PGR: variants seen among roughly 807,000 people sequenced by gnomAD.
The protein encoded by PGR is nuclear receptor subfamily 3 group C member 3.
In PGR, 25 loss-of-function variants were observed where a neutral mutation model predicts 76.1. The observed-to-expected ratio is 0.33, with a 90% CI of 0.24 to 0.46. The LOEUF is 0.46. Among genes scored for constraint, PGR ranks in the 20% least tolerant of loss-of-function variants. PGR has a pLI of 1.00. For missense variants in PGR, 1,172 were observed against 1,225.3 expected (o/e 0.96, Z 0.65); for synonymous variants, 579 against 535.0 (o/e 1.08, Z -1.14).
At chr11:101,089,707 AGAAGGAAG>A (rs906584997) in intron 3 of PGR, among the ~76,000 whole-genome samples, 2 of 141,432 alleles carry the variant, frequency 1.4e-5, no homozygotes, top group African/African-American at 5.0e-5. Context: ...GAAGGAAAGA[AGAAGGAAG>A]GGAGGGAGGG....
intron 3 of PGR, among the ~76,000 whole-genome samples, chr11:101,071,113 A>G (rs769060881): frequency 8.5e-5 from 13 of 152,100 alleles, no homozygotes; most frequent in Non-Finnish European, 1.9e-4. Context: ...TGGGATGAAG[A>G]TTCCAGAGGA....
rs554494881 is a variant in PGR, at chr11:101,129,270, C to T, written c.-200G>A. 3 of 523,786 alleles carry T rather than the reference C, an allele frequency of 5.7e-6. No homozygotes were observed. In the East Asian group the frequency reaches 8.8e-5, roughly 15 times the overall value. 32.4% of individuals were successfully genotyped at this position (523,786 alleles called of 1,614,324 possible). ...CTCCTGCCCTTGGCCTCCATCCTGT[C>T]GTCAGGGGAACTGTGGCTGTCGTTT... is the stretch of plus-strand genomic sequence containing the variant. On this transcript the variant is annotated 5_prime_UTR_variant, in exon 1 of 8. Transcript: ENST00000325455.
intron 2 of PGR, among the ~76,000 whole-genome samples, chr11:101,110,092 T>C (rs1862297200): frequency 3.9e-5 from 6 of 152,128 alleles, no homozygotes; most frequent in Admixed American, 3.9e-4. Flanking sequence ...AAAATTCCCA[T>C]GAGCTCTGAT....
chr11:101,088,289 A>C (rs1003493293), intron 3 of PGR, among the ~76,000 whole-genome samples: 5 of 152,148 alleles, frequency 3.3e-5, no homozygotes, highest in African/African-American at 1.2e-4. Flanking sequence ...TGGGAATGTA[A>C]ATTAGTTCTG....
intron 2 of PGR, among the ~76,000 whole-genome samples, chr11:101,105,783 A>G (rs766318264): frequency 6.6e-6 from 1 of 152,148 alleles, no homozygotes; most frequent in Non-Finnish European, 1.5e-5. Context: ...AATCCTAAGC[A>G]AAAAGAACAA....
chr11:101,105,746 C>A (rs867424888), intron 2 of PGR, among the ~76,000 whole-genome samples: 8 of 152,136 alleles, frequency 5.3e-5, no homozygotes, highest in South Asian at 4.1e-4. Flanking sequence ...TCATATGGAA[C>A]CAAAAAAGAG....
chr11:101,068,459 T>C (rs757719745), intron 3 of PGR, among the ~76,000 whole-genome samples: 10 of 152,026 alleles, frequency 6.6e-5, no homozygotes, highest in Non-Finnish European at 1.5e-4. Context: ...AATTTATAGA[T>C]CCAATAATAG....
chr11:101,091,740 G>T lies in PGR; in HGVS notation c.1906+20C>A, dbSNP rs1861681476. 2.4e-5 allele frequency: 27 copies of T among 1,111,936 alleles called. No individual in the cohort carries two copies. In the East Asian group the frequency reaches 6.1e-4, roughly 25 times the overall value. The allele number at this position is 1,111,936 out of a possible 1,614,324, so 68.9% of individuals were successfully genotyped here. A position where few individuals can be genotyped will look rare whatever the true frequency, so the allele number is the denominator to read the frequency against. ...TATAAAGATTACACAGTATATTATT[G>T]ATGAAAACATCAGAATTACCTCCAA... is the stretch of plus-strand genomic sequence containing the variant. On this transcript the variant is annotated intron_variant, in intron 3 of 7. Coordinates refer to ENST00000325455, the MANE Select transcript of PGR (RefSeq NM_000926.4).
chr11:101,100,816 G>A (rs1861975057), intron 2 of PGR, among the ~76,000 whole-genome samples: 1 of 151,996 alleles, frequency 6.6e-6, no homozygotes, highest in African/African-American at 2.4e-5. Context: ...GGCCAAAAAG[G>A]CTAATAACAT....
At chr11:101,097,839 C>G (rs1051072465) in intron 2 of PGR, among the ~76,000 whole-genome samples, 4 of 149,514 alleles carry the variant, frequency 2.7e-5, no homozygotes, top group Non-Finnish European at 5.9e-5. Flanking sequence ...TGCGGTGGAG[C>G]CATCTCAGCT....
intron 3 of PGR, among the ~76,000 whole-genome samples, chr11:101,079,410 C>T (rs1591395587): frequency 6.8e-6 from 1 of 146,120 alleles, no homozygotes; most frequent in East Asian, 2.7e-4. Flanking sequence ...ATAAGGAACT[C>T]AGCTCAATAG....
intron 3 of PGR, among the ~76,000 whole-genome samples, chr11:101,072,133 C>T (rs1313686422): frequency 1.3e-5 from 2 of 152,216 alleles, no homozygotes; most frequent in Non-Finnish European, 2.9e-5. Context: ...GATCTCTCTG[C>T]TGAAACCCTA....
At chr11:101,053,059 A>G (rs1042704126) in intron 4 of PGR, among the ~76,000 whole-genome samples, 2 of 152,182 alleles carry the variant, frequency 1.3e-5, no homozygotes, top group Non-Finnish European at 2.9e-5. Flanking sequence ...TATAACTGAA[A>G]TGATGAAAAT....
rs748310492 is a variant in PGR, at chr11:101,051,407, CA to C, written c.2357+16del. 12 of 1,570,452 alleles carry C rather than the reference CA, an allele frequency of 7.6e-6. No homozygotes were observed. Among genetic ancestry groups the C allele is most frequent in the Non-Finnish European group, 9.6e-6 (11 of 1,141,626 alleles). On this transcript the variant is annotated intron_variant, in intron 5 of 7. Coordinates refer to ENST00000325455, the MANE Select transcript of PGR (RefSeq NM_000926.4). ...TGTACACTTAAAATAACAAAAACAA[CA>C]AAAGTTACTACTTACTCATTTAGTA...
chr11:101,109,563 G>A (rs1862279906), intron 2 of PGR, among the ~76,000 whole-genome samples: 1 of 152,118 alleles, frequency 6.6e-6, no homozygotes, highest in Non-Finnish European at 1.5e-5. Context: ...TTCTATCAAG[G>A]GTGAGAGAGG....
At chr11:101,081,979 G>A (rs1026550371) in intron 3 of PGR, among the ~76,000 whole-genome samples, 3 of 152,146 alleles carry the variant, frequency 2.0e-5, no homozygotes, top group East Asian at 3.8e-4. Context: ...CAAATCTCAC[G>A]TTGAATTTTA....
intron 3 of PGR, among the ~76,000 whole-genome samples, chr11:101,082,966 T>C (rs1282251346): frequency 2.0e-5 from 3 of 152,112 alleles, no homozygotes; most frequent in African/African-American, 4.8e-5. Context: ...ATGGGGAAAA[T>C]GTCTCCAGGG....
intron 3 of PGR, among the ~76,000 whole-genome samples, chr11:101,084,900 A>G (rs988985662): frequency 6.6e-6 from 1 of 152,222 alleles, no homozygotes; most frequent in Non-Finnish European, 1.5e-5. Context: ...AAAGAGTTCA[A>G]TAAGAAGATT....
At position 101,116,785 on chromosome 11, in the gene PGR, T is replaced by C. The variant is rs536472263; in HGVS notation, c.1789+9222A>G. ...AAAGACCAAAACATGTCATCAGAAA[T>C]TGGAAGTCTCTCATCCTGACAGTAA... On this transcript the variant is annotated intron_variant, in intron 2 of 7. Coordinates refer to ENST00000325455, the MANE Select transcript of PGR (RefSeq NM_000926.4). Among the ~76,000 whole-genome samples, 26 of 148,670 alleles carry C rather than the reference T, an allele frequency of 1.7e-4. 1 individual carries two copies. The South Asian group carries it at 5.0e-3, about 28-fold the overall frequency.
Sources: allele counts gnomAD v4.1 joint callset (sites outside exome capture counted in the v4.1 genomes callset), GRCh38; gene constraint gnomAD v4.1.1; transcripts MANE v1.5; gene names NCBI Gene and HGNC (gene_info 2026-07-23, HGNC 2026-07-21).